FAM221B: variants seen among roughly 807,000 people sequenced by gnomAD.
The protein encoded by FAM221B is family with sequence similarity 221 member B.
A neutral mutation model predicts 39.8 loss-of-function variants in FAM221B; 35 were observed. The observed-to-expected ratio is 0.88, with a 90% CI of 0.67 to 1.17. The LOEUF (loss-of-function observed/expected upper bound fraction) is 1.17, where lower values mean the gene tolerates loss of function less well. Among genes scored for constraint, FAM221B ranks in the 50% most tolerant of loss-of-function variants. The pLI, the probability that FAM221B is intolerant of heterozygous loss-of-function variation, is 0.00. For synonymous variants in FAM221B, 158 were observed against 178.1 expected, an observed-to-expected ratio of 0.89 and a Z score of 0.90; for missense variants, 479 against 503.1, an observed-to-expected ratio of 0.95 and a Z score of 0.46.
At position 35,828,512 on chromosome 9, in the gene FAM221B, C is replaced by A. The variant is rs1829529087; in HGVS notation, c.-50G>T. 1.0e-6 allele frequency: 1 copy of A among 985,322 alleles called. No homozygotes were observed. Among genetic ancestry groups the A allele is most frequent in the South Asian group, 4.7e-5 (1 of 21,300 alleles). The allele number at this position is 985,322 out of a possible 1,614,324, so 61.0% of individuals were successfully genotyped here. The stretch of plus-strand genomic sequence containing the variant: ...ACAAGTCCTTAGGTCAAGACCTTGA[C>A]TTAGGATGGCAGGGGGAGGTGTTGA... On this transcript the variant is annotated 5_prime_UTR_variant, in exon 1 of 7. Transcript: ENST00000423537. The surrounding 1 kb of genome is among the most constrained non-coding windows in gnomAD (Gnocchi z 4.5).
At chr9:35,821,120 C>G (rs575915314) in intron 3 of FAM221B, among the ~76,000 whole-genome samples, 1 of 152,334 alleles carries the variant, frequency 6.6e-6, no homozygotes, top group South Asian at 2.1e-4. Context: ...CCTTGTGCTA[C>G]TCCTGTTGCA....
chr9:35,816,646 A>G lies in FAM221B; in HGVS notation c.*1823T>C, dbSNP rs922377983. 2 of 152,172 alleles carry G rather than the reference A, an allele frequency of 1.3e-5. No individual in the cohort carries two copies. The highest frequency in any genetic ancestry group is 2.9e-5 in the Non-Finnish European group (2 of 68,022). The allele number at this position is 152,172 out of a possible 1,614,324, so 9.4% of individuals were successfully genotyped here. ...TCTATTGTTGACTATTAGTTGAATT[A>G]GTTTTAGGTGAATGGTTATCATGGG... On this transcript the variant is annotated 3_prime_UTR_variant, in exon 7 of 7. Transcript: ENST00000423537.
In FAM221B at chr9:35,825,183, A is replaced by G; in HGVS notation, c.742+47T>C. 1 of 1,608,452 alleles carries G rather than the reference A, an allele frequency of 6.2e-7. No homozygotes were observed. The highest frequency in any genetic ancestry group is 2.2e-5 in the East Asian group (1 of 44,806). The stretch of plus-strand genomic sequence containing the variant: ...GTTCCCAGATCTTTTGGATTAGAGG[A>G]TGCCCATGGGCCTGTCACAGGCCTC... On this transcript the variant is annotated intron_variant, in intron 3 of 6. Coordinates refer to ENST00000423537, the MANE Select transcript of FAM221B (RefSeq NM_001012446.4). The surrounding 1 kb of genome is among the most constrained non-coding windows in gnomAD (Gnocchi z 4.2).
chr9:35,821,845 G>T (rs1829158609), intron 3 of FAM221B, among the ~76,000 whole-genome samples: 1 of 152,178 alleles, frequency 6.6e-6, no homozygotes, highest in South Asian at 2.1e-4. Flanking sequence ...TTGGAAGGTG[G>T]CTGTGGATTC....
chr9:35,825,511 G>A lies in FAM221B; in HGVS notation c.598+53C>T, dbSNP rs1829319293. On this transcript the variant is annotated intron_variant, in intron 2 of 6. Transcript: ENST00000423537. This position sits in a 1 kb window ranked among gnomAD's most constrained non-coding sequence, Gnocchi z 4.2. ...AGTGAATAGTAGTGAGAACAGGACA[G>A]GGGAGAGGACAGGTACAATTACAGC... 1.9e-6 allele frequency: 3 copies of A among 1,577,798 alleles called. No individual in the cohort carries two copies. The highest frequency in any genetic ancestry group is 2.6e-6 in the Non-Finnish European group (3 of 1,156,404).
At chr9:35,823,066 C>G (rs1829185365) in intron 3 of FAM221B, among the ~76,000 whole-genome samples, 1 of 152,202 alleles carries the variant, frequency 6.6e-6, no homozygotes, top group Non-Finnish European at 1.5e-5. Flanking sequence ...GCTATAGATT[C>G]CTGCTGTGCC....
At chr9:35,823,703 C>T (rs1016575700) in intron 3 of FAM221B, among the ~76,000 whole-genome samples, 20 of 151,986 alleles carry the variant, frequency 1.3e-4, no homozygotes, top group Admixed American at 3.9e-4. Flanking sequence ...GACATTCTGT[C>T]ACCCAGGCTG....
intron 3 of FAM221B, chr9:35,821,457 A>G (rs775812110): frequency 1.5e-6 from 2 of 1,367,924 alleles, no homozygotes; most frequent in South Asian, 1.1e-5. Flanking sequence ...GTCAGGATCT[A>G]AAGCCTGTCT....
At position 35,828,374 on chromosome 9, in the gene FAM221B, T is replaced by TACTACTACTACA. The variant is rs1564010885; in HGVS notation, c.-1+88_-1+89insTGTAGTAGTAGT. On this transcript the variant is annotated intron_variant, in intron 1 of 6. Coordinates refer to ENST00000423537, the MANE Select transcript of FAM221B (RefSeq NM_001012446.4). The surrounding 1 kb of genome is among the most constrained non-coding windows in gnomAD (Gnocchi z 4.5). ...CTACTACTACTACTACTACTACTACTACTACAACAATGTGAAGGGACTGAG... is the reference window on the plus strand; with the variant it reads ...CTACTACTACTACTACTACTACTACTACTACTACTACAACTACAACAATGTGAAGGGACTGAG... 1.3e-5 allele frequency: 3 copies of TACTACTACTACA among 233,448 alleles called. No homozygotes were observed. The highest frequency in any genetic ancestry group is 6.6e-5 in the Admixed American group (1 of 15,210). The allele number at this position is 233,448 out of a possible 1,614,324, so 14.5% of individuals were successfully genotyped here.
intron 6 of FAM221B, 88 bp from the exon 7 acceptor site, chr9:35,818,594 C>T (rs538536469): frequency 1.4e-5 from 19 of 1,353,854 alleles, no homozygotes; most frequent in Middle Eastern, 2.3e-4. Flanking sequence ...CAGGGAGCCC[C>T]GGGGGACTAG....
rs148971700 is a variant in FAM221B at position 35,828,062 on chromosome 9, C to A, written c.-1+401G>T. 0.016 allele frequency among the ~76,000 whole-genome samples: 2,438 copies of A among 152,106 alleles called. 67 individuals carry two copies. Among genetic ancestry groups the A allele is most frequent in the African/African-American group, 0.055 (2,286 of 41,496 alleles). On this transcript the variant is annotated intron_variant, in intron 1 of 6. Transcript: ENST00000423537. This position sits in a 1 kb window ranked among gnomAD's most constrained non-coding sequence, Gnocchi z 4.5. ...AATCCCAGAATTTGGGAGGCCAAGG[C>A]GGGTGGATCACTTGAGGTCAGGAGT...
chr9:35,817,753 A>AG lies in FAM221B; in HGVS notation c.*715dup, dbSNP rs1829051173. On this transcript the variant is annotated 3_prime_UTR_variant, in exon 7 of 7. Transcript: ENST00000423537. ...TCACAGGGCATATAGAAGCCATCAG[A>AG]GGGGAACTTCCACAGGTTCTTGTTC... 1 of 152,348 alleles carries AG rather than the reference A, an allele frequency of 6.6e-6. No individual in the cohort carries two copies. Among genetic ancestry groups the AG allele is most frequent in the African/African-American group, 2.4e-5 (1 of 41,450 alleles). The allele number at this position is 152,348 out of a possible 1,614,324, so 9.4% of individuals were successfully genotyped here.
At chr9:35,819,808 T>C (rs908112211) in intron 4 of FAM221B, 82 bp downstream of exon 4, 17 of 967,656 alleles carry the variant, frequency 1.8e-5, no homozygotes, top group Non-Finnish European at 2.7e-5. Flanking sequence ...CCCAGCCACA[T>C]GCTCTCTCTC....
intron 3 of FAM221B, among the ~76,000 whole-genome samples, chr9:35,823,481 C>T (rs933786055): frequency 9.2e-5 from 14 of 152,230 alleles, no homozygotes; most frequent in African/African-American, 2.9e-4. Flanking sequence ...CAGGACTCAA[C>T]ATCCCCACTA....
At position 35,826,012 on chromosome 9, in the gene FAM221B, C is replaced by T. The variant is rs1484170973; in HGVS notation, c.150G>A (p.Glu50=). ...CCAAAGGGGATTCAGAGGTATGGGGCTCTAACGGGGTCTCAGAGGTGGAAG... is the reference window on the plus strand; with the variant it reads ...CCAAAGGGGATTCAGAGGTATGGGGTTCTAACGGGGTCTCAGAGGTGGAAG... The part of the protein sequence containing the change: ...LKPSTSETPL[E]PHTSESPLVP... The change falls in exon 2 of 7, where the codon GAG becomes GAA. Residue 50 remains glutamate, a synonymous_variant. Coordinates refer to ENST00000423537, the MANE Select transcript of FAM221B (RefSeq NM_001012446.4). 3 of 1,613,902 alleles carry T rather than the reference C, an allele frequency of 1.9e-6. No individual in the cohort carries two copies. The highest frequency in any genetic ancestry group is 2.5e-6 in the Non-Finnish European group (3 of 1,180,006).
rs1196320775 is a variant in FAM221B, at chr9:35,819,890, C to T, written c.853G>A (p.Asp285Asn). Residue 285 changes from aspartate to asparagine, a missense_variant and splice_region_variant, in exon 4 of 7, where the codon GAC (aspartate) becomes AAC (asparagine). Asp to Asn is a conservative substitution (Grantham distance 23, BLOSUM62 1). Coordinates refer to ENST00000423537, the MANE Select transcript of FAM221B (RefSeq NM_001012446.4). ...GAGGGGCTGGTCAGTTCTCCCCTAC[C>T]TGAGATGATCCGGTGCTCTCTCAAC... ...HLLREHRIIS[D>N]ISVPCKVSQC... 1 of 1,588,280 alleles carries T rather than the reference C, an allele frequency of 6.3e-7. No homozygotes were observed. The highest frequency in any genetic ancestry group is 1.4e-5 in the African/African-American group (1 of 73,968).
chr9:35,824,533 G>A (rs758311983), intron 3 of FAM221B, among the ~76,000 whole-genome samples: 6 of 152,102 alleles, frequency 3.9e-5, no homozygotes, highest in Non-Finnish European at 8.8e-5. Flanking sequence ...TCCACCAAAG[G>A]GACTAAGGTC....
Position 35,825,403 on chromosome 9 carries a change from G to C in FAM221B, c.599-30C>G. 6.2e-7 allele frequency: 1 copy of C among 1,613,324 alleles called. No homozygotes were observed. The highest frequency in any genetic ancestry group is 2.2e-5 in the East Asian group (1 of 44,892). ...GATGGGAGAGGATGAGTAACCAGGG[G>C]GAAGTGAGAAGGCCCTAAAACTAAG... On this transcript the variant is annotated intron_variant, in intron 2 of 6. Coordinates refer to ENST00000423537, the MANE Select transcript of FAM221B (RefSeq NM_001012446.4). This position sits in a 1 kb window ranked among gnomAD's most constrained non-coding sequence, Gnocchi z 4.2.
intron 3 of FAM221B, among the ~76,000 whole-genome samples, chr9:35,820,797 C>G (rs1829133028): frequency 6.6e-6 from 1 of 152,166 alleles, no homozygotes; most frequent in Non-Finnish European, 1.5e-5. Context: ...GAGGTCACAA[C>G]CCTCGAGAGC....
Sources: gnomAD v4.1 joint callset for allele counts (sites outside exome capture counted in the v4.1 genomes callset) on GRCh38, gnomAD v4.1.1 for gene constraint, Gnocchi (gnomAD v3.1) non-coding constraint, MANE v1.5 for transcripts, NCBI Gene and HGNC (gene_info 2026-07-23, HGNC 2026-07-21) for gene names.